The following SOX6 variants were observed in gnomAD, a reference collection of about 807,000 sequenced individuals.
The protein encoded by SOX6 is transcription factor SOX-6.
Under a neutral mutation model 97.8 loss-of-function variants are expected in SOX6, and 11 were observed. That is an observed-to-expected ratio of 0.11 (90% CI 0.07 to 0.19). The LOEUF (loss-of-function observed/expected upper bound fraction) is 0.19. SOX6 is among the 10% of genes least tolerant of loss of function. The probability of loss-of-function intolerance (pLI) is 1.00; values close to 1 mark genes in which losing one functional copy is unlikely to be tolerated. For synonymous variants in SOX6, 360 were observed against 371.4 expected (o/e 0.97, Z 0.35); for missense variants, 810 against 1,039.5 (o/e 0.78, Z 3.04).
chr11:16,122,661 C>T (rs141422847), intron 6 of SOX6, among the ~76,000 whole-genome samples: 2 of 151,982 alleles, frequency 1.3e-5, no homozygotes, highest in Non-Finnish European at 2.9e-5. Context: ...TCCAGAAATG[C>T]AGGTTTACAT....
intron 3 of SOX6, among the ~76,000 whole-genome samples, chr11:16,261,306 A>G (rs951093332): frequency 2.0e-5 from 3 of 152,204 alleles, no homozygotes; most frequent in Non-Finnish European, 4.4e-5. Context: ...TTTAGCATGC[A>G]GTAAATCTTA....
chr11:16,203,866 T>A (rs1227997737), intron 4 of SOX6, among the ~76,000 whole-genome samples: 1 of 152,084 alleles, frequency 6.6e-6, no homozygotes, highest in Non-Finnish European at 1.5e-5. Context: ...TCTACCGGCA[T>A]TGCAACTCTA....
intron 6 of SOX6, among the ~76,000 whole-genome samples, chr11:16,162,029 C>A (rs911494599): frequency 1.4e-4 from 21 of 152,124 alleles, no homozygotes; most frequent in African/African-American, 5.1e-4. Context: ...GTTTTCAAGT[C>A]TTTCAATTTT....
chr11:16,445,142 CT>C (rs1421606906), intron 1 of SOX6, among the ~76,000 whole-genome samples: 1 of 152,060 alleles, frequency 6.6e-6, no homozygotes, highest in Non-Finnish European at 1.5e-5. Flanking sequence ...GAATAGAATA[CT>C]TTTCTAAAAA....
At chr11:16,497,636 C>A (rs1260326803) in intron 4 of SOX6, among the ~76,000 whole-genome samples, 1 of 152,148 alleles carries the variant, frequency 6.6e-6, no homozygotes, top group Admixed American at 6.5e-5. Flanking sequence ...CCTGACAGAG[C>A]TGAAAACCAC....
intron 4 of SOX6, among the ~76,000 whole-genome samples, chr11:16,496,248 G>A (rs181971712): frequency 3.9e-4 from 59 of 151,712 alleles, no homozygotes; most frequent in African/African-American, 1.2e-3. Flanking sequence ...AAAAACTTAT[G>A]AAATCCCAGA....
chr11:16,095,653 G>T (rs931402775), intron 9 of SOX6, among the ~76,000 whole-genome samples: 10 of 151,676 alleles, frequency 6.6e-5, no homozygotes, highest in Admixed American at 4.6e-4. Context: ...ATTTTTTAAT[G>T]TTTAAGTATT....
chr11:16,229,951 C>G (rs1852800489), intron 4 of SOX6, among the ~76,000 whole-genome samples: 1 of 151,650 alleles, frequency 6.6e-6, no homozygotes, highest in African/African-American at 2.4e-5. Context: ...ATGGAAAACT[C>G]TAATCAATTT....
intron 9 of SOX6, among the ~76,000 whole-genome samples, chr11:16,065,050 C>A (rs1203669348): frequency 6.6e-6 from 1 of 151,826 alleles, no homozygotes; most frequent in Non-Finnish European, 1.5e-5. Flanking sequence ...CAAAGGGTAT[C>A]CAAATTGAAA....
At chr11:16,526,375 T>C (rs1172534204) in intron 4 of SOX6, among the ~76,000 whole-genome samples, 1 of 151,298 alleles carries the variant, frequency 6.6e-6, no homozygotes, top group East Asian at 1.9e-4. Flanking sequence ...CAGTAAACTA[T>C]CGCAAGGACA....
upstream of SOX6, among the ~76,000 whole-genome samples, chr11:16,478,856 G>A (rs1007173278): frequency 1.3e-5 from 2 of 152,176 alleles, no homozygotes; most frequent in South Asian, 2.1e-4. Flanking sequence ...CAGCACAAAT[G>A]TGAAAAGATA....
chr11:16,391,219 A>T (rs1371172648), intron 1 of SOX6, among the ~76,000 whole-genome samples: 1 of 152,186 alleles, frequency 6.6e-6, no homozygotes, highest in East Asian at 1.9e-4. Flanking sequence ...GGATAACATT[A>T]TGAGAAATAC....
chr11:16,160,088 G>T (rs146194650), intron 6 of SOX6, among the ~76,000 whole-genome samples: 1 of 152,094 alleles, frequency 6.6e-6, no homozygotes, highest in Non-Finnish European at 1.5e-5. Flanking sequence ...TGCTGCAGAT[G>T]GGGTTCTCTA....
intron 3 of SOX6, chr11:16,311,214 C>T (rs1855592124): frequency 6.6e-6 from 1 of 152,100 alleles, no homozygotes; most frequent in African/African-American, 2.4e-5. Context: ...ATGATTCTGT[C>T]TGTGGTACAG....
chr11:15,996,275 T>G (rs1372519516), intron 13 of SOX6, among the ~76,000 whole-genome samples: 1 of 152,146 alleles, frequency 6.6e-6, no homozygotes, highest in Non-Finnish European at 1.5e-5. Flanking sequence ...TGGTAAAATT[T>G]TAACTGTAAG....
At chr11:16,267,048 G>A (rs1854102086) in intron 3 of SOX6, among the ~76,000 whole-genome samples, 1 of 151,294 alleles carries the variant, frequency 6.6e-6, no homozygotes, top group Non-Finnish European at 1.5e-5. Flanking sequence ...ACTCAAAATA[G>A]ATTAAAGATT....
intron 4 of SOX6, among the ~76,000 whole-genome samples, chr11:16,221,527 G>C (rs1384854570): frequency 6.6e-6 from 1 of 152,048 alleles, no homozygotes; most frequent in Admixed American, 6.6e-5. Flanking sequence ...CTTTATCAAA[G>C]CTATTTGTAT....
intron 4 of SOX6, among the ~76,000 whole-genome samples, chr11:16,579,202 A>G (rs146088416): frequency 2.1e-4 from 32 of 152,210 alleles, no homozygotes; most frequent in African/African-American, 7.0e-4. Context: ...AAAAATGTAT[A>G]CATAGCCTTT....
intron 4 of SOX6, among the ~76,000 whole-genome samples, chr11:16,224,322 C>A (rs1852623013): frequency 6.6e-6 from 1 of 152,024 alleles, no homozygotes; most frequent in South Asian, 2.1e-4. Flanking sequence ...TGTTATTAAA[C>A]TTCAGTGTTT....
Sources: gnomAD v4.1 joint callset for allele counts (sites outside exome capture counted in the v4.1 genomes callset) on GRCh38, gnomAD v4.1.1 for gene constraint, MANE v1.5 for transcripts, NCBI Gene and HGNC (gene_info 2026-07-23, HGNC 2026-07-21) for gene names.